The following TRAPPC9 variants were observed in gnomAD, a reference collection of about 807,000 sequenced individuals.
TRAPPC9 encodes trafficking protein particle complex subunit 9.
A neutral mutation model predicts 124.0 loss-of-function variants in TRAPPC9; 83 were observed. That is an observed-to-expected ratio of 0.67 (90% CI 0.56 to 0.80). The LOEUF (loss-of-function observed/expected upper bound fraction) is 0.80. Ranked by LOEUF, TRAPPC9 falls within the 30% of genes least tolerant of loss-of-function variation. The pLI, the probability that TRAPPC9 is intolerant of heterozygous loss-of-function variation, is 0.00. For missense variants in TRAPPC9, 1,302 were observed against 1,508.3 expected (o/e 0.86, Z 2.27); for synonymous variants, 638 against 617.5 (o/e 1.03, Z -0.49).
At chr8:140,302,806 T>C (rs1171933799) in intron 10 of TRAPPC9, 1 of 152,210 alleles carries the variant, frequency 6.6e-6, no homozygotes, top group Non-Finnish European at 1.5e-5. Flanking sequence ...GGAGGCTGCT[T>C]GCTCCGAGTC....
chr8:140,092,118 T>C (rs1180732776), intron 17 of TRAPPC9, among the ~76,000 whole-genome samples: 1 of 151,314 alleles, frequency 6.6e-6, no homozygotes, highest in Non-Finnish European at 1.5e-5. Context: ...AAAATATTGA[T>C]GGAAGCCACC....
chr8:140,004,346 T>C (rs28567551), intron 18 of TRAPPC9, among the ~76,000 whole-genome samples: 26,247 of 152,124 alleles, frequency 0.17, 2,493 homozygotes, highest in African/African-American at 0.25. Flanking sequence ...CATTTTACTC[T>C]ATGTTAATTT....
chr8:140,274,940 C>T (rs1238622349), intron 15 of TRAPPC9, among the ~76,000 whole-genome samples: 4 of 152,196 alleles, frequency 2.6e-5, no homozygotes, highest in Non-Finnish European at 5.9e-5. Flanking sequence ...TTTTCATTCT[C>T]TGTCTGGTCT....
intron 20 of TRAPPC9, among the ~76,000 whole-genome samples, chr8:139,897,906 C>T (rs947624490): frequency 6.6e-6 from 1 of 152,266 alleles, no homozygotes; most frequent in African/African-American, 2.4e-5. Context: ...ACGTTAGAGG[C>T]ACTTGTGTTG....
chr8:139,966,124 G>A (rs1044806450), intron 19 of TRAPPC9, among the ~76,000 whole-genome samples: 3 of 152,250 alleles, frequency 2.0e-5, no homozygotes, highest in African/African-American at 4.8e-5. Context: ...GCGAGTCACA[G>A]TATGAGAGGT....
intron 18 of TRAPPC9, among the ~76,000 whole-genome samples, chr8:140,014,506 CCT>C (rs1202519857): frequency 1.3e-5 from 2 of 152,076 alleles, no homozygotes; most frequent in East Asian, 3.9e-4. Flanking sequence ...AAAACTGCCC[CCT>C]CTGTTATTTA....
intron 16 of TRAPPC9, among the ~76,000 whole-genome samples, chr8:140,235,463 C>G (rs2063709781): frequency 6.6e-6 from 1 of 151,708 alleles, no homozygotes; most frequent in Admixed American, 6.6e-5. Context: ...GGTAAATAAC[C>G]CAATAAAAAA....
chr8:139,952,470 G>A (rs1834700262), intron 19 of TRAPPC9, among the ~76,000 whole-genome samples: 4 of 152,188 alleles, frequency 2.6e-5, no homozygotes, highest in African/African-American at 9.6e-5. Flanking sequence ...AAAGTAGAAT[G>A]CACCAAACAG....
chr8:140,237,937 C>T (rs1250636732), intron 16 of TRAPPC9, among the ~76,000 whole-genome samples: 1 of 152,126 alleles, frequency 6.6e-6, no homozygotes, highest in Non-Finnish European at 1.5e-5. Context: ...GAGGAGAAGG[C>T]GTGAAAATAC....
chr8:140,080,907 A>G (rs1300585187), intron 17 of TRAPPC9, among the ~76,000 whole-genome samples: 1 of 152,194 alleles, frequency 6.6e-6, no homozygotes, highest in Non-Finnish European at 1.5e-5. Context: ...TCAGAGCACA[A>G]AGGGTTTCAT....
intron 18 of TRAPPC9, among the ~76,000 whole-genome samples, chr8:140,000,933 G>A (rs951482860): frequency 4.6e-5 from 7 of 152,240 alleles, no homozygotes; most frequent in Admixed American, 3.9e-4. Flanking sequence ...ACATGCACAC[G>A]TATGTTTACT....
Position 139,999,771 on chromosome 8 carries a change from A to G in TRAPPC9, c.2700-10935T>C, listed in dbSNP as rs118189991. Among the ~76,000 whole-genome samples, 1,335 of 152,344 alleles carry G rather than the reference A, an allele frequency of 8.8e-3. 10 individuals carry two copies. Among genetic ancestry groups the G allele is most frequent in the Middle Eastern group, 0.031 (9 of 294 alleles). Reference sequence around the variant, plus strand: ...AATCAATGGTAGAAGGAAAGCTAGAATAACTCCAACTATCTGGAAATTTAA... The same window carrying G: ...AATCAATGGTAGAAGGAAAGCTAGAGTAACTCCAACTATCTGGAAATTTAA... On this transcript the variant is annotated intron_variant, in intron 18 of 22. Transcript: ENST00000438773.
At chr8:139,774,000 GGA>G (rs1358080361) in intron 21 of TRAPPC9, among the ~76,000 whole-genome samples, 2 of 152,230 alleles carry the variant, frequency 1.3e-5, no homozygotes, top group African/African-American at 4.8e-5. Flanking sequence ...GGCTGCGAGG[GGA>G]GAGAGGAGCA....
chr8:140,223,597 T>C (rs2063384219), intron 16 of TRAPPC9, among the ~76,000 whole-genome samples: 1 of 152,234 alleles, frequency 6.6e-6, no homozygotes, highest in Non-Finnish European at 1.5e-5. Flanking sequence ...TAAAGCTTCT[T>C]GTGATAAGAT....
At chr8:140,140,851 C>A (rs1275552468) in intron 17 of TRAPPC9, among the ~76,000 whole-genome samples, 1 of 152,124 alleles carries the variant, frequency 6.6e-6, no homozygotes, top group Non-Finnish European at 1.5e-5. Context: ...TTTATTTCTG[C>A]TACAATCACC....
chr8:140,238,422 G>C (rs971427185), intron 16 of TRAPPC9: 1 of 152,228 alleles, frequency 6.6e-6, no homozygotes, highest in Non-Finnish European at 1.5e-5. Context: ...CCCAGCACCA[G>C]GAAGGTGCTC....
At chr8:139,981,884 C>T (rs1032261566) in intron 19 of TRAPPC9, among the ~76,000 whole-genome samples, 1 of 152,230 alleles carries the variant, frequency 6.6e-6, no homozygotes, top group African/African-American at 2.4e-5. Flanking sequence ...ATCCTGCCGG[C>T]GGTCCATCTC....
At chr8:140,439,278 T>C in intron 2 of TRAPPC9, 81 bp from the exon 3 acceptor site, 2 of 1,494,632 alleles carry the variant, frequency 1.3e-6, no homozygotes, top group South Asian at 1.1e-5. Flanking sequence ...TATTCAATTC[T>C]CTCACTACTA....
intron 15 of TRAPPC9, among the ~76,000 whole-genome samples, chr8:140,253,404 C>T (rs1341438465): frequency 6.6e-6 from 1 of 152,000 alleles, no homozygotes; most frequent in East Asian, 1.9e-4. Flanking sequence ...AAGCAGGACG[C>T]TGTGGCTCAC....
Sources: gnomAD v4.1 joint callset for allele counts (sites outside exome capture counted in the v4.1 genomes callset) on GRCh38, gnomAD v4.1.1 for gene constraint, MANE v1.5 for transcripts, NCBI Gene and HGNC (gene_info 2026-07-23, HGNC 2026-07-21) for gene names.